The following UBASH3B variants were observed in gnomAD, a reference collection of about 807,000 sequenced individuals.
UBASH3B encodes ubiquitin-associated and SH3 domain-containing protein B.
UBASH3B carries 37 observed loss-of-function variants against 83.4 expected under a neutral mutation model. The observed-to-expected ratio is 0.44, with a 90% CI of 0.34 to 0.58. The LOEUF (loss-of-function observed/expected upper bound fraction) is 0.58, where lower values mean the gene tolerates loss of function less well. Ranked by LOEUF, UBASH3B falls within the 20% of genes least tolerant of loss-of-function variation. UBASH3B has a pLI of 0.01. For synonymous variants in UBASH3B, 304 were observed against 318.3 expected (o/e 0.96, Z 0.48); for missense variants, 657 against 827.2 (o/e 0.79, Z 2.52).
intron 1 of UBASH3B, among the ~76,000 whole-genome samples, chr11:122,699,001 C>A (rs920019527): frequency 9.9e-5 from 15 of 152,258 alleles, no homozygotes; most frequent in African/African-American, 3.6e-4. Flanking sequence ...AGGTGCCCAG[C>A]ACCACACCCA....
At chr11:122,669,818 T>G (rs1863569132) in intron 1 of UBASH3B, among the ~76,000 whole-genome samples, 1 of 152,176 alleles carries the variant, frequency 6.6e-6, no homozygotes, top group African/African-American at 2.4e-5. Context: ...GCACAGAGAT[T>G]TGAACTTGCC....
In UBASH3B at chr11:122,812,776, G is replaced by A. The variant is rs1469331168; in HGVS notation, c.*2890G>A. ...CCTGTGATTTTAAAATACCGCGTCTGTTCCTCCATGGACCAGAGTAATTGG... is the reference window on the plus strand; with the variant it reads ...CCTGTGATTTTAAAATACCGCGTCTATTCCTCCATGGACCAGAGTAATTGG... On this transcript the variant is annotated 3_prime_UTR_variant, in exon 14 of 14. Coordinates refer to ENST00000284273, the MANE Select transcript of UBASH3B (RefSeq NM_032873.5). The A allele has an allele frequency of 6.6e-6, 1 of 152,186 alleles. No individual in the cohort carries two copies. 9.4% of individuals were successfully genotyped at this position (152,186 alleles called of 1,614,324 possible).
At chr11:122,795,762 T>A (rs1449477745) in intron 7 of UBASH3B, among the ~76,000 whole-genome samples, 4 of 152,182 alleles carry the variant, frequency 2.6e-5, no homozygotes, top group African/African-American at 4.8e-5. Flanking sequence ...CCTCACTCCC[T>A]GAAGAAGTTG....
intron 5 of UBASH3B, among the ~76,000 whole-genome samples, chr11:122,784,934 C>A (rs1860921915): frequency 6.6e-6 from 1 of 152,030 alleles, no homozygotes; most frequent in Non-Finnish European, 1.5e-5. Flanking sequence ...GTAGAACGAA[C>A]CCTGAAGATA....
chr11:122,757,199 C>A (rs1861295611), intron 1 of UBASH3B, among the ~76,000 whole-genome samples: 2 of 152,160 alleles, frequency 1.3e-5, no homozygotes, highest in African/African-American at 4.8e-5. Context: ...CATTTGTGTT[C>A]CCCCCAAATT....
chr11:122,718,788 AT>A (rs1860574068), intron 1 of UBASH3B, among the ~76,000 whole-genome samples: 1 of 152,324 alleles, frequency 6.6e-6, no homozygotes, highest in South Asian at 2.1e-4. Flanking sequence ...TCTTACTCCA[AT>A]CTGACACAAT....
intron 1 of UBASH3B, among the ~76,000 whole-genome samples, chr11:122,663,796 T>G (rs7117842): frequency 6.6e-6 from 1 of 152,048 alleles, no homozygotes; most frequent in African/African-American, 2.4e-5. Flanking sequence ...CAGCTCTGCC[T>G]CTTACCAGCT....
intron 1 of UBASH3B, among the ~76,000 whole-genome samples, chr11:122,669,499 A>T (rs552167384): frequency 7.5e-4 from 114 of 152,334 alleles, no homozygotes; most frequent in African/African-American, 2.4e-3. Flanking sequence ...AAGGTCACAT[A>T]TTCACAGGGT....
At chr11:122,750,822 A>T (rs1429023429) in intron 1 of UBASH3B, among the ~76,000 whole-genome samples, 4 of 152,230 alleles carry the variant, frequency 2.6e-5, no homozygotes, top group African/African-American at 9.6e-5. Context: ...CTCCTTCTCC[A>T]CCAGGAAGAC....
chr11:122,664,112 G>A (rs1031633968), intron 1 of UBASH3B, among the ~76,000 whole-genome samples: 2 of 152,182 alleles, frequency 1.3e-5, no homozygotes, highest in African/African-American at 2.4e-5. Flanking sequence ...ATAGGGCAGA[G>A]GCCAGTGGAT....
chr11:122,800,058 C>G (rs971865925), intron 10 of UBASH3B, among the ~76,000 whole-genome samples: 6 of 152,174 alleles, frequency 3.9e-5, no homozygotes, highest in Non-Finnish European at 8.8e-5. Context: ...TAAGCAGGGA[C>G]TATTTCTAGG....
chr11:122,710,680 G>C (rs1008257508), intron 1 of UBASH3B, among the ~76,000 whole-genome samples: 6 of 152,168 alleles, frequency 3.9e-5, no homozygotes, highest in Admixed American at 2.6e-4. Flanking sequence ...AGTGGTATAG[G>C]GGGTGGAAGC....
chr11:122,699,647 A>G (rs971062214), intron 1 of UBASH3B, among the ~76,000 whole-genome samples: 3 of 148,856 alleles, frequency 2.0e-5, no homozygotes, highest in South Asian at 2.1e-4. Flanking sequence ...CAGTGGTGCA[A>G]TCTCTGGTTA....
At chr11:122,796,591 T>C (rs1236322480) in intron 8 of UBASH3B, among the ~76,000 whole-genome samples, 1 of 152,142 alleles carries the variant, frequency 6.6e-6, no homozygotes, top group Admixed American at 6.5e-5. Context: ...CCTGGCTCGC[T>C]CGGTTCCATT....
At position 122,806,634 on chromosome 11, in the gene UBASH3B, A is replaced by G. The variant is rs1861344581; in HGVS notation, c.1702+118A>G. The G allele has an allele frequency of 1.5e-6, 2 of 1,313,142 alleles. No homozygotes were observed. The highest frequency in any genetic ancestry group is 2.0e-5 in the South Asian group (1 of 49,256). 81.3% of individuals were successfully genotyped at this position (1,313,142 alleles called of 1,614,324 possible). On this transcript the variant is annotated intron_variant, in intron 12 of 13. Transcript: ENST00000284273. This position sits in a 1 kb window ranked among gnomAD's most constrained non-coding sequence, Gnocchi z 4.0. Reference sequence around the variant, plus strand: ...GCTAACCAAAGAAATGTATTTCCAGATTTTCTTCCAGATACTTTTACATTA... The same window carrying G: ...GCTAACCAAAGAAATGTATTTCCAGGTTTTCTTCCAGATACTTTTACATTA...
chr11:122,685,030 G>A (rs1863792006), intron 1 of UBASH3B, among the ~76,000 whole-genome samples: 1 of 152,102 alleles, frequency 6.6e-6, no homozygotes, highest in South Asian at 2.1e-4. Context: ...ATCTTCACGG[G>A]CCGCGGGTCT....
chr11:122,721,073 G>T (rs529979554), intron 1 of UBASH3B, among the ~76,000 whole-genome samples: 1 of 150,528 alleles, frequency 6.6e-6, no homozygotes, highest in Admixed American at 6.6e-5. Flanking sequence ...GTGAAACCCC[G>T]TCTCTACCAA....
intron 1 of UBASH3B, among the ~76,000 whole-genome samples, chr11:122,706,106 C>CTTTTTTTTTTTTTTTTTTTTTTT (rs36055058): frequency 1.6e-5 from 2 of 127,034 alleles, no homozygotes; most frequent in Non-Finnish European, 3.2e-5. Context: ...TCTTTTCTTT[C>CTTTTTTTTTTTTTTTTTTTTTTT]TTTTTTTTTT....
At chr11:122,700,497 C>CTTTTTTTTT (rs10640825) in intron 1 of UBASH3B, among the ~76,000 whole-genome samples, 3 of 118,802 alleles carry the variant, frequency 2.5e-5, no homozygotes, top group African/African-American at 6.3e-5. Flanking sequence ...TACTTCTGAT[C>CTTTTTTTTT]TTTTTTTTTT....
Sources: allele counts gnomAD v4.1 joint callset (sites outside exome capture counted in the v4.1 genomes callset), GRCh38; gene constraint gnomAD v4.1.1; non-coding constraint Gnocchi (gnomAD v3.1); transcripts MANE v1.5; gene names NCBI Gene and HGNC (gene_info 2026-07-23, HGNC 2026-07-21).